The following RAB27B variants were observed in gnomAD, a reference collection of about 807,000 sequenced individuals.
RAB27B encodes RAB27B, member RAS oncogene family, also known as ras-related protein Rab-27B.
A neutral mutation model predicts 24.6 loss-of-function variants in RAB27B; 15 were observed. The observed-to-expected ratio is 0.61, with a 90% CI of 0.41 to 0.94. The LOEUF is 0.94. Among genes scored for constraint, RAB27B ranks in the 40% least tolerant of loss-of-function variants. RAB27B has a pLI of 0.00. For missense variants in RAB27B, 261 were observed against 266.8 expected (o/e 0.98, Z 0.15); for synonymous variants, 105 against 92.5 (o/e 1.14, Z -0.78).
intron 1 of RAB27B, among the ~76,000 whole-genome samples, chr18:54,854,115 C>T (rs867815806): frequency 4.6e-5 from 7 of 152,064 alleles, no homozygotes; most frequent in Non-Finnish European, 8.8e-5. Flanking sequence ...AGGTTTCTTC[C>T]AGGTTAATTA....
intron 2 of RAB27B, among the ~76,000 whole-genome samples, chr18:54,807,465 C>T (rs1258985934): frequency 6.6e-6 from 1 of 152,080 alleles, no homozygotes; most frequent in African/African-American, 2.4e-5. Flanking sequence ...ATAATCTCCT[C>T]GGGAACTTGG....
chr18:54,802,951 A>C (rs965424074), intron 2 of RAB27B, among the ~76,000 whole-genome samples: 2 of 152,232 alleles, frequency 1.3e-5, no homozygotes, highest in African/African-American at 4.8e-5. Flanking sequence ...CTTTGCTTAC[A>C]TAAGCATTTT....
chr18:54,797,042 T>C (rs889497737), intron 2 of RAB27B, among the ~76,000 whole-genome samples: 1 of 152,264 alleles, frequency 6.6e-6, no homozygotes, highest in Non-Finnish European at 1.5e-5. Context: ...TGATCATGTC[T>C]AATGTGACTA....
intron 2 of RAB27B, among the ~76,000 whole-genome samples, chr18:54,806,937 T>G (rs1376201557): frequency 5.9e-5 from 9 of 152,304 alleles, no homozygotes; most frequent in Non-Finnish European, 1.3e-4. Context: ...AGATGGAGTC[T>G]CACTGTGTGT....
At chr18:54,779,173 C>T (rs117334693) in intron 2 of RAB27B, among the ~76,000 whole-genome samples, 3,694 of 152,200 alleles carry the variant, frequency 0.024, 70 homozygotes, top group Middle Eastern at 0.088. Context: ...AATTAGTTGG[C>T]TCCAATTATG....
At chr18:54,770,553 T>C (rs1176191916) in intron 2 of RAB27B, among the ~76,000 whole-genome samples, 2 of 152,048 alleles carry the variant, frequency 1.3e-5, no homozygotes, top group Non-Finnish European at 2.9e-5. Flanking sequence ...CATTATCTAG[T>C]GCAATGTAAT....
At chr18:54,743,099 C>T (rs1910118846) in intron 2 of RAB27B, among the ~76,000 whole-genome samples, 2 of 152,332 alleles carry the variant, frequency 1.3e-5, no homozygotes, top group South Asian at 4.1e-4. Flanking sequence ...GACACCCACT[C>T]TTATTGCCTA....
chr18:54,759,973 C>A (rs916970145), intron 2 of RAB27B, among the ~76,000 whole-genome samples: 1 of 152,174 alleles, frequency 6.6e-6, no homozygotes, highest in African/African-American at 2.4e-5. Context: ...CAACCTGATT[C>A]TTCCTGGACA....
At chr18:54,799,133 C>A (rs1909516835) in intron 2 of RAB27B, among the ~76,000 whole-genome samples, 1 of 152,238 alleles carries the variant, frequency 6.6e-6, no homozygotes, top group Middle Eastern at 3.4e-3. Flanking sequence ...TAATATTAGA[C>A]TAATTTTTTT....
chr18:54,785,904 T>C (rs1273936667), intron 2 of RAB27B, among the ~76,000 whole-genome samples: 4 of 152,214 alleles, frequency 2.6e-5, no homozygotes, highest in Non-Finnish European at 4.4e-5. Flanking sequence ...CTTTCAGTTG[T>C]GACTATAGAG....
At chr18:54,749,589 C>G (rs1056178993) in intron 2 of RAB27B, among the ~76,000 whole-genome samples, 1 of 152,118 alleles carries the variant, frequency 6.6e-6, no homozygotes, top group African/African-American at 2.4e-5. Context: ...CAGAGGAGTT[C>G]TCTAGATTGT....
intron 2 of RAB27B, among the ~76,000 whole-genome samples, chr18:54,809,623 A>T (rs1463994116): frequency 2.0e-5 from 3 of 152,244 alleles, no homozygotes; most frequent in African/African-American, 7.2e-5. Context: ...TAGCTAATGC[A>T]TAAGTCAAAA....
chr18:54,748,400 A>C (rs1910322954), intron 2 of RAB27B, among the ~76,000 whole-genome samples: 1 of 152,182 alleles, frequency 6.6e-6, no homozygotes, highest in Admixed American at 6.6e-5. Flanking sequence ...TGTCACAAAT[A>C]ATTTCTTATT....
At chr18:54,875,819 G>C (rs1176351562) in intron 1 of RAB27B, among the ~76,000 whole-genome samples, 2 of 151,916 alleles carry the variant, frequency 1.3e-5, no homozygotes, top group Non-Finnish European at 2.9e-5. Flanking sequence ...ACCCAAAGAC[G>C]CAAAAGTTTT....
intron 1 of RAB27B, among the ~76,000 whole-genome samples, chr18:54,831,644 A>T (rs986635750): frequency 6.6e-6 from 1 of 152,230 alleles, no homozygotes; most frequent in African/African-American, 2.4e-5. Flanking sequence ...ATAAGTAAAT[A>T]AACAAATTAG....
chr18:54,723,568 T>C (rs1245157932), intron 2 of RAB27B, among the ~76,000 whole-genome samples: 1 of 152,118 alleles, frequency 6.6e-6, no homozygotes, highest in Non-Finnish European at 1.5e-5. Flanking sequence ...CTGTAAATAA[T>C]AAAAAATTTT....
intron 1 of RAB27B, among the ~76,000 whole-genome samples, chr18:54,861,165 T>C (rs187252891): frequency 1.3e-5 from 2 of 152,294 alleles, no homozygotes; most frequent in Admixed American, 6.5e-5. Flanking sequence ...AGCAAAGCAG[T>C]GGAACTTTGG....
chr18:54,862,966 T>TTTC (rs1912065672), intron 1 of RAB27B, among the ~76,000 whole-genome samples: 1 of 152,244 alleles, frequency 6.6e-6, no homozygotes, highest in Non-Finnish European at 1.5e-5. Flanking sequence ...TTGGCTATTC[T>TTTC]GTGTCCCTTT....
chr18:54,838,456 C>T (rs1375483511), intron 1 of RAB27B, among the ~76,000 whole-genome samples: 1 of 151,984 alleles, frequency 6.6e-6, no homozygotes, highest in Non-Finnish European at 1.5e-5. Context: ...TTCTTTATAC[C>T]ACCATCTGGG....
Sources: allele counts gnomAD v4.1 joint callset (sites outside exome capture counted in the v4.1 genomes callset), GRCh38; gene constraint gnomAD v4.1.1; transcripts MANE v1.5; gene names NCBI Gene and HGNC (gene_info 2026-07-23, HGNC 2026-07-21).